Variants in MAGI2 observed in about 807,000 individuals in gnomAD.
MAGI2 encodes the protein membrane-associated guanylate kinase, WW and PDZ domain-containing protein 2.
In MAGI2, 35 loss-of-function variants were observed where a neutral mutation model predicts 133.3. The ratio of observed to expected loss-of-function variants is 0.26; its 90% confidence interval spans 0.20 to 0.35. The LOEUF is 0.35. Ranked by LOEUF, MAGI2 falls within the 10% of genes least tolerant of loss-of-function variation. MAGI2 has a pLI of 1.00. For missense variants in MAGI2, 1,636 were observed against 1,863.4 expected (o/e 0.88, Z 2.25); for synonymous variants, 729 against 710.6 (o/e 1.03, Z -0.41).
chr7:78,887,514 T>A (rs954185660), intron 2 of MAGI2, among the ~76,000 whole-genome samples: 14 of 152,328 alleles, frequency 9.2e-5, no homozygotes, highest in African/African-American at 3.1e-4. Flanking sequence ...ATTTCCTGTT[T>A]CACATCTTTA....
chr7:78,636,659 G>A (rs183336444), intron 2 of MAGI2, among the ~76,000 whole-genome samples: 4 of 152,026 alleles, frequency 2.6e-5, no homozygotes, highest in Non-Finnish European at 5.9e-5. Context: ...TTAGCTGGGC[G>A]TGGTGGCGGG....
chr7:78,142,310 C>G (rs548996475), intron 16 of MAGI2, among the ~76,000 whole-genome samples: 1 of 152,098 alleles, frequency 6.6e-6, no homozygotes, highest in Non-Finnish European at 1.5e-5. Context: ...GTATTTCTTC[C>G]TTGCGCCACT....
intron 2 of MAGI2, among the ~76,000 whole-genome samples, chr7:78,872,143 T>A (rs1477117066): frequency 1.3e-5 from 2 of 151,020 alleles, no homozygotes; most frequent in Non-Finnish European, 3.0e-5. Flanking sequence ...CAAAGGGCAA[T>A]TTTTTTCTCT....
At chr7:79,037,973 A>C (rs537757880) in intron 1 of MAGI2, among the ~76,000 whole-genome samples, 1 of 152,164 alleles carries the variant, frequency 6.6e-6, no homozygotes, top group Admixed American at 6.5e-5. Flanking sequence ...GACTTGGTTC[A>C]GGTTTAATTT....
chr7:78,169,172 A>T (rs1825887715), intron 14 of MAGI2, among the ~76,000 whole-genome samples: 1 of 152,228 alleles, frequency 6.6e-6, no homozygotes, highest in African/African-American at 2.4e-5. Flanking sequence ...AGTGTGCATT[A>T]GCAGGGCTTT....
chr7:78,624,339 G>A (rs939195267), intron 3 of MAGI2, among the ~76,000 whole-genome samples: 12 of 151,958 alleles, frequency 7.9e-5, no homozygotes, highest in Admixed American at 2.0e-4. Flanking sequence ...TTGTCAATTC[G>A]CTTTTGTTGC....
chr7:78,392,607 G>T (rs2151318963), intron 6 of MAGI2, among the ~76,000 whole-genome samples: 1 of 152,196 alleles, frequency 6.6e-6, no homozygotes, highest in East Asian at 1.9e-4. Context: ...TACATTTTAG[G>T]AAAGACTTAT....
At chr7:78,599,178 G>T (rs1263502264) in intron 3 of MAGI2, among the ~76,000 whole-genome samples, 1 of 152,026 alleles carries the variant, frequency 6.6e-6, no homozygotes, top group Non-Finnish European at 1.5e-5. Context: ...GAATCATATG[G>T]CTTCCACATG....
At chr7:78,259,269 G>A (rs13221363) in intron 9 of MAGI2, among the ~76,000 whole-genome samples, 75 of 152,036 alleles carry the variant, frequency 4.9e-4, no homozygotes, top group East Asian at 1.6e-3. Context: ...TTAGGTTCAG[G>A]AGGCTGCAAG....
intron 2 of MAGI2, among the ~76,000 whole-genome samples, chr7:78,849,981 A>G (rs1488600519): frequency 6.6e-6 from 1 of 152,090 alleles, no homozygotes; most frequent in Non-Finnish European, 1.5e-5. Flanking sequence ...ATTAATATTT[A>G]TGTTTAGTGC....
intron 2 of MAGI2, among the ~76,000 whole-genome samples, chr7:78,652,744 A>T (rs770010633): frequency 6.6e-6 from 1 of 152,196 alleles, no homozygotes; most frequent in Non-Finnish European, 1.5e-5. Flanking sequence ...TCATGATAAA[A>T]CACCAAAAGC....
chr7:78,685,998 T>C (rs1460770786), intron 2 of MAGI2, among the ~76,000 whole-genome samples: 2 of 146,360 alleles, frequency 1.4e-5, no homozygotes, highest in East Asian at 4.1e-4. Flanking sequence ...GTCAATAGCA[T>C]GCTTTTATTC....
chr7:78,287,233 G>A (rs1157925412), intron 9 of MAGI2, among the ~76,000 whole-genome samples: 1 of 152,180 alleles, frequency 6.6e-6, no homozygotes, highest in African/African-American at 2.4e-5. Flanking sequence ...AGAAAGGAGA[G>A]TGATTTCTGA....
In MAGI2 at chr7:78,980,997, G is replaced by C. The variant is rs541047765; in HGVS notation, c.418+26093C>G. On this transcript the variant is annotated intron_variant, in intron 2 of 21. Coordinates refer to ENST00000354212, the MANE Select transcript of MAGI2 (RefSeq NM_012301.4). ...TAATCTTCTTGTCTTTGTTGTTGTT[G>C]AAAGTTTTGCTTAGTCTAATTATTG... 4.0e-5 allele frequency among the ~76,000 whole-genome samples: 6 copies of C among 151,510 alleles called. No homozygotes were observed. In the South Asian group the frequency reaches 1.3e-3, roughly 32 times the overall value.
At chr7:79,122,277 C>G (rs977693997) in intron 1 of MAGI2, among the ~76,000 whole-genome samples, 1 of 152,134 alleles carries the variant, frequency 6.6e-6, no homozygotes, top group African/African-American at 2.4e-5. Flanking sequence ...AAAATCTCAG[C>G]CATACCTCTA....
intron 1 of MAGI2, among the ~76,000 whole-genome samples, chr7:79,138,323 A>G (rs942544824): frequency 1.3e-5 from 2 of 152,174 alleles, no homozygotes; most frequent in African/African-American, 4.8e-5. Flanking sequence ...TACACAGTTG[A>G]CTATTATGCT....
Position 78,579,478 on chromosome 7 carries a change from C to G in MAGI2, c.538+47642G>C, listed in dbSNP as rs185564040. 3.2e-3 allele frequency among the ~76,000 whole-genome samples: 485 copies of G among 152,250 alleles called. 2 individuals are homozygous for G. Among genetic ancestry groups the G allele is most frequent in the African/African-American group, 0.01 (421 of 41,556 alleles). ...ATTTACAAAAACAAAAGGTATCCCA[C>G]CTCCCCTTCTACCAGGGAGAACAAA... On this transcript the variant is annotated intron_variant, in intron 3 of 21. Coordinates refer to ENST00000354212, the MANE Select transcript of MAGI2 (RefSeq NM_012301.4).
chr7:78,767,273 G>A (rs1260560342), intron 2 of MAGI2, among the ~76,000 whole-genome samples: 1 of 152,042 alleles, frequency 6.6e-6, no homozygotes, highest in African/African-American at 2.4e-5. Context: ...ACAGGCGTGA[G>A]CCACCACACC....
At chr7:79,288,006 A>G (rs749258663) in intron 1 of MAGI2, among the ~76,000 whole-genome samples, 7 of 152,206 alleles carry the variant, frequency 4.6e-5, no homozygotes, top group Non-Finnish European at 8.8e-5. Flanking sequence ...ACTCAGAGAT[A>G]AGAACTATGA....
Sources: gnomAD v4.1 joint callset for allele counts (sites outside exome capture counted in the v4.1 genomes callset) on GRCh38, gnomAD v4.1.1 for gene constraint, MANE v1.5 for transcripts, NCBI Gene and HGNC (gene_info 2026-07-23, HGNC 2026-07-21) for gene names.